The following KDM2A variants were observed in gnomAD, a reference collection of about 807,000 sequenced individuals.
KDM2A encodes lysine-specific demethylase 2A.
Under a neutral mutation model 137.3 loss-of-function variants are expected in KDM2A, and 3 were observed. The ratio of observed to expected loss-of-function variants is 0.02; its 90% CI spans 0.01 to 0.06. The LOEUF is 0.06. Among genes scored for constraint, KDM2A ranks in the 10% least tolerant of loss-of-function variants. The pLI, the probability that KDM2A is intolerant of heterozygous loss-of-function variation, is 1.00. For missense variants in KDM2A, 738 were observed against 1,510.6 expected, an observed-to-expected ratio of 0.49 and a Z score of 8.48; for synonymous variants, 512 against 541.5, an observed-to-expected ratio of 0.95 and a Z score of 0.76.
chr11:67,123,275 CTTTTTT>C (rs575165830), intron 2 of KDM2A, among the ~76,000 whole-genome samples: 1,845 of 71,402 alleles, frequency 0.026, 22 homozygotes, highest in African/African-American at 0.091. Flanking sequence ...CAGTACCTGG[CTTTTTT>C]TTTTTTTTTT....
chr11:67,156,727 A>T (rs1174589616), intron 2 of KDM2A, among the ~76,000 whole-genome samples: 1 of 151,536 alleles, frequency 6.6e-6, no homozygotes, highest in Non-Finnish European at 1.5e-5. Context: ...TCAAAAAAAA[A>T]AAAAAAAAAA....
At position 67,215,931 on chromosome 11, in the gene KDM2A, C is replaced by T. The variant is rs779905770; in HGVS notation, c.669C>T (p.His223=). The change falls in exon 8 of 21, where the codon CAC becomes CAT. Residue 223 remains histidine, a synonymous_variant. Coordinates refer to ENST00000529006, the MANE Select transcript of KDM2A (RefSeq NM_012308.3). ...VDFGGTSVWY[H]IHQGGKVFWL... ...TTGGTGGTACCTCTGTTTGGTATCA[C>T]ATCCATCAAGGGGGAAAGGTATGGT... 1 of 1,613,694 alleles carries T rather than the reference C, an allele frequency of 6.2e-7. No individual in the cohort carries two copies. The highest frequency in any genetic ancestry group is 8.5e-7 in the Non-Finnish European group (1 of 1,179,656).
intron 2 of KDM2A, among the ~76,000 whole-genome samples, chr11:67,133,146 C>T (rs1855888970): frequency 1.3e-5 from 2 of 152,170 alleles, no homozygotes; most frequent in South Asian, 4.1e-4. Context: ...GTTGGCCAGG[C>T]TGGAGTGTAA....
chr11:67,126,215 C>T (rs1386432629), intron 2 of KDM2A, among the ~76,000 whole-genome samples: 1 of 148,234 alleles, frequency 6.7e-6, no homozygotes, highest in African/African-American at 2.5e-5. Context: ...CGTTGCACTC[C>T]AGCCTGGGGA....
At chr11:67,184,917 A>G (rs949094333) in intron 5 of KDM2A, among the ~76,000 whole-genome samples, 1 of 152,216 alleles carries the variant, frequency 6.6e-6, no homozygotes, top group Admixed American at 6.5e-5. Flanking sequence ...GAGTTACCAC[A>G]TTATTAAATT....
chr11:67,215,137 A>G (rs1428182041), intron 6 of KDM2A, among the ~76,000 whole-genome samples: 1 of 152,192 alleles, frequency 6.6e-6, no homozygotes, highest in Non-Finnish European at 1.5e-5. Flanking sequence ...GGAATGATTA[A>G]TCTTTATTCT....
intron 6 of KDM2A, among the ~76,000 whole-genome samples, chr11:67,209,539 G>A (rs975059382): frequency 1.3e-5 from 2 of 151,742 alleles, no homozygotes; most frequent in South Asian, 2.1e-4. Flanking sequence ...CGCCTCCCAG[G>A]TTCAAGCAAT....
intron 2 of KDM2A, among the ~76,000 whole-genome samples, chr11:67,126,736 G>A (rs1590702176): frequency 6.7e-6 from 1 of 149,292 alleles, no homozygotes; most frequent in East Asian, 1.9e-4. Flanking sequence ...AGTATTTTTT[G>A]CCAAGCTTCA....
At chr11:67,210,104 T>G (rs1482527184) in intron 6 of KDM2A, among the ~76,000 whole-genome samples, 3 of 152,134 alleles carry the variant, frequency 2.0e-5, no homozygotes, top group Non-Finnish European at 4.4e-5. Context: ...TGGTGGCTCA[T>G]GCCTGTAATC....
rs951744152 is a variant in KDM2A, at chr11:67,257,523, A to C, written c.*2468A>C. 6.6e-6 allele frequency: 1 copy of C among 152,570 alleles called. No individual in the cohort carries two copies. Among genetic ancestry groups the C allele is most frequent in the African/African-American group, 2.4e-5 (1 of 41,412 alleles). 9.5% of individuals were successfully genotyped at this position (152,570 alleles called of 1,614,324 possible). A position where few individuals can be genotyped will look rare whatever the true frequency, so the allele number is the denominator to read the frequency against. On this transcript the variant is annotated 3_prime_UTR_variant, in exon 21 of 21. Transcript: ENST00000529006. ...GGAGAGCCTGCCCTCAGACTGCAGG[A>C]CCAGAACCCCTGCCTCCATCTTTCC...
intron 10 of KDM2A, among the ~76,000 whole-genome samples, chr11:67,224,223 A>G (rs938272570): frequency 1.3e-5 from 2 of 152,178 alleles, no homozygotes; most frequent in African/African-American, 4.8e-5. Flanking sequence ...CATCCCTACA[A>G]TATGGGAGGA....
At chr11:67,200,018 C>T (rs1565400328) in intron 5 of KDM2A, among the ~76,000 whole-genome samples, 2 of 152,116 alleles carry the variant, frequency 1.3e-5, no homozygotes, top group Admixed American at 1.3e-4. Flanking sequence ...TATGCTAAAT[C>T]TACTCTATTA....
At chr11:67,172,212 T>C (rs1176868894) in intron 2 of KDM2A, among the ~76,000 whole-genome samples, 6 of 152,162 alleles carry the variant, frequency 3.9e-5, no homozygotes, top group Non-Finnish European at 7.4e-5. Flanking sequence ...ATTCAAGTGA[T>C]CCTCCTAGCT....
At chr11:67,150,625 C>T (rs1590725517) in intron 2 of KDM2A, among the ~76,000 whole-genome samples, 1 of 152,150 alleles carries the variant, frequency 6.6e-6, no homozygotes, top group South Asian at 2.1e-4. Context: ...AGTTACTAAT[C>T]CTTTGAGAGG....
chr11:67,252,324 C>G (rs958998012), intron 17 of KDM2A: 2 of 242,618 alleles, frequency 8.2e-6, no homozygotes, highest in African/African-American at 4.5e-5. Context: ...CTAGAAACTT[C>G]AAGAGGCTCC....
At chr11:67,125,187 CTTTTT>C (rs1328566175) in intron 2 of KDM2A, among the ~76,000 whole-genome samples, 2 of 135,114 alleles carry the variant, frequency 1.5e-5, no homozygotes, top group Non-Finnish European at 3.2e-5. Flanking sequence ...TTTTTTTTTT[CTTTTT>C]TTTTTATTTG....
chr11:67,200,485 G>A (rs1177277153), intron 5 of KDM2A, among the ~76,000 whole-genome samples: 1 of 152,156 alleles, frequency 6.6e-6, no homozygotes, highest in Non-Finnish European at 1.5e-5. Flanking sequence ...CCAAAGTGCT[G>A]GGATTATAGG....
At chr11:67,234,590 T>C (rs1304940722) in intron 12 of KDM2A, among the ~76,000 whole-genome samples, 1 of 152,256 alleles carries the variant, frequency 6.6e-6, no homozygotes, top group African/African-American at 2.4e-5. Flanking sequence ...TGACTTGGGC[T>C]GAGCCCAGTG....
chr11:67,232,682 CT>C lies in KDM2A; in HGVS notation c.1479+738del, dbSNP rs558208078. Among the ~76,000 whole-genome samples, 728 of 131,684 alleles carry C rather than the reference CT, an allele frequency of 5.5e-3. 1 individual carries two copies. The highest frequency in any genetic ancestry group is 7.8e-3 in the Middle Eastern group (2 of 258). The allele number at this position is 131,684 out of a possible 152,430, so 86.4% of individuals were successfully genotyped here. On this transcript the variant is annotated intron_variant, in intron 12 of 20. Coordinates refer to ENST00000529006, the MANE Select transcript of KDM2A (RefSeq NM_012308.3). ...TTTTCTTAAGGAATCCAGACTTGAG[CT>C]TTTTTTTTTTTTTTTAATTTTAATT...
Sources: gnomAD v4.1 joint callset for allele counts (sites outside exome capture counted in the v4.1 genomes callset) on GRCh38, gnomAD v4.1.1 for gene constraint, MANE v1.5 for transcripts, NCBI Gene and HGNC (gene_info 2026-07-23, HGNC 2026-07-21) for gene names.